CNTNAP2: variants seen among roughly 807,000 people sequenced by gnomAD.
The protein encoded by CNTNAP2 is contactin-associated protein-like 2.
CNTNAP2 carries 98 observed loss-of-function variants against 155.2 expected under a neutral mutation model. The observed-to-expected ratio is 0.63, with a 90% CI of 0.54 to 0.75. CNTNAP2 has a LOEUF of 0.75. Among genes scored for constraint, CNTNAP2 ranks in the 30% least tolerant of loss-of-function variants. The pLI, the probability that CNTNAP2 is intolerant of heterozygous loss-of-function variation, is 0.00. For missense variants in CNTNAP2, 1,727 were observed against 1,688.1 expected (o/e 1.02, Z -0.40); for synonymous variants, 651 against 631.2 (o/e 1.03, Z -0.47).
chr7:146,706,811 A>G (rs1585050655), intron 1 of CNTNAP2, among the ~76,000 whole-genome samples: 1 of 152,002 alleles, frequency 6.6e-6, no homozygotes, highest in East Asian at 1.9e-4. Context: ...AAAATAACTA[A>G]TAGGTACTAG....
intron 11 of CNTNAP2, among the ~76,000 whole-genome samples, chr7:147,556,033 A>C (rs118056646): frequency 1.3e-5 from 2 of 152,214 alleles, no homozygotes; most frequent in South Asian, 2.1e-4. Context: ...CCACGTCTGC[A>C]TGTAAGCAGA....
At chr7:147,141,625 A>C (rs2129287422) in intron 8 of CNTNAP2, among the ~76,000 whole-genome samples, 1 of 152,232 alleles carries the variant, frequency 6.6e-6, no homozygotes, top group African/African-American at 2.4e-5. Context: ...GAGCTTTAAA[A>C]ATTGCCCAGA....
At position 148,024,362 on chromosome 7, in the gene CNTNAP2, A is replaced by T. The variant is rs1802340945; in HGVS notation, c.2383+46373A>T. Among the ~76,000 whole-genome samples the T allele has an allele frequency of 2.0e-5, 3 of 152,122 alleles. No homozygotes were observed. In the South Asian group the frequency reaches 6.2e-4, roughly 31 times the overall value. On this transcript the variant is annotated intron_variant, in intron 15 of 23. Transcript: ENST00000361727. Reference sequence around the variant, plus strand: ...GTTCTCCTCCCTATCTCCTAGCCACAGTGAAAGAAAACGAAGTGTGGTGTA... The same window carrying T: ...GTTCTCCTCCCTATCTCCTAGCCACTGTGAAAGAAAACGAAGTGTGGTGTA...
chr7:147,610,948 C>T (rs1801173034), intron 12 of CNTNAP2, among the ~76,000 whole-genome samples: 1 of 152,054 alleles, frequency 6.6e-6, no homozygotes, highest in Admixed American at 6.5e-5. Context: ...CCGTGTTGCC[C>T]AGGCTGGTCT....
intron 15 of CNTNAP2, among the ~76,000 whole-genome samples, chr7:148,009,485 T>G (rs1250794441): frequency 6.6e-6 from 1 of 152,162 alleles, no homozygotes; most frequent in Admixed American, 6.5e-5. Flanking sequence ...ATAATTAAAT[T>G]TGTATATTAT....
chr7:147,418,432 T>G (rs1478338083), intron 10 of CNTNAP2, among the ~76,000 whole-genome samples: 1 of 152,224 alleles, frequency 6.6e-6, no homozygotes, highest in Non-Finnish European at 1.5e-5. Flanking sequence ...GACATCGATA[T>G]GAAGAGAACA....
At chr7:147,100,957 C>A (rs1237509748) in intron 4 of CNTNAP2, among the ~76,000 whole-genome samples, 1 of 152,100 alleles carries the variant, frequency 6.6e-6, no homozygotes, top group Non-Finnish European at 1.5e-5. Flanking sequence ...GGACAATAGA[C>A]CAAGGCTGTT....
chr7:148,407,576 T>C (rs1271316968), intron 22 of CNTNAP2, among the ~76,000 whole-genome samples: 3 of 151,988 alleles, frequency 2.0e-5, no homozygotes, highest in Non-Finnish European at 4.4e-5. Context: ...TGATAGTGCA[T>C]GGCTGTGGTC....
chr7:148,162,911 G>C (rs1056871706), intron 17 of CNTNAP2, among the ~76,000 whole-genome samples: 6 of 152,198 alleles, frequency 3.9e-5, no homozygotes, highest in Admixed American at 3.9e-4. Context: ...GAGACAGGAG[G>C]ATTGCTTGAG....
At chr7:147,443,281 T>C (rs1352752489) in intron 10 of CNTNAP2, among the ~76,000 whole-genome samples, 1 of 152,116 alleles carries the variant, frequency 6.6e-6, no homozygotes, top group Non-Finnish European at 1.5e-5. Flanking sequence ...TGATCTGGTT[T>C]TCCTTTCTGC....
At chr7:147,166,722 T>C (rs1171592061) in intron 8 of CNTNAP2, among the ~76,000 whole-genome samples, 1 of 151,470 alleles carries the variant, frequency 6.6e-6, no homozygotes, top group Admixed American at 6.6e-5. Flanking sequence ...AAAATTACAG[T>C]CAAAGGGGGG....
chr7:147,174,319 T>A (rs1802291586), intron 8 of CNTNAP2, among the ~76,000 whole-genome samples: 1 of 152,188 alleles, frequency 6.6e-6, no homozygotes, highest in African/African-American at 2.4e-5. Flanking sequence ...TGAATTAGCT[T>A]CAACAATGCA....
chr7:147,453,763 C>T (rs1204470074), intron 10 of CNTNAP2, among the ~76,000 whole-genome samples: 1 of 152,032 alleles, frequency 6.6e-6, no homozygotes, highest in Non-Finnish European at 1.5e-5. Flanking sequence ...AACAAACCTG[C>T]ACTTGTACTC....
At chr7:146,842,122 G>C (rs1371837826) in intron 3 of CNTNAP2, among the ~76,000 whole-genome samples, 2 of 152,016 alleles carry the variant, frequency 1.3e-5, no homozygotes, top group East Asian at 3.9e-4. Context: ...CCTGACCTCA[G>C]GTGATCTACT....
intron 4 of CNTNAP2, among the ~76,000 whole-genome samples, chr7:147,079,459 C>T (rs1800069877): frequency 6.6e-6 from 1 of 151,992 alleles, no homozygotes. Context: ...TTATAATACA[C>T]ACCCTGGATA....
At chr7:146,611,490 T>A (rs1799136047) in intron 1 of CNTNAP2, among the ~76,000 whole-genome samples, 1 of 152,176 alleles carries the variant, frequency 6.6e-6, no homozygotes, top group Admixed American at 6.5e-5. Context: ...AAATACATAA[T>A]ATTATATAAA....
intron 3 of CNTNAP2, among the ~76,000 whole-genome samples, chr7:146,895,388 C>T (rs1357741597): frequency 6.6e-6 from 1 of 151,078 alleles, no homozygotes; most frequent in East Asian, 2.0e-4. Context: ...CATTGCAAAG[C>T]CTTCCAAATA....
chr7:147,570,497 A>G (rs1231054071), intron 12 of CNTNAP2, among the ~76,000 whole-genome samples: 1 of 152,214 alleles, frequency 6.6e-6, no homozygotes, highest in Non-Finnish European at 1.5e-5. Context: ...AGCAAAAATA[A>G]AAATTGCTTG....
At chr7:147,316,797 A>G (rs146838128) in intron 9 of CNTNAP2, among the ~76,000 whole-genome samples, 2 of 152,336 alleles carry the variant, frequency 1.3e-5, no homozygotes, top group Admixed American at 1.3e-4. Flanking sequence ...ATGCTAAAAG[A>G]TACTGTGGCA....
Sources: allele counts gnomAD v4.1 joint callset (sites outside exome capture counted in the v4.1 genomes callset), GRCh38; gene constraint gnomAD v4.1.1; transcripts MANE v1.5; gene names NCBI Gene and HGNC (gene_info 2026-07-23, HGNC 2026-07-21).